Variants in MOB3B observed in about 807,000 individuals in gnomAD.
MOB3B encodes the protein MOB kinase activator-like 2B.
A neutral mutation model predicts 18.7 loss-of-function variants in MOB3B; 7 were observed. That is an observed-to-expected ratio of 0.37 (90% CI 0.21 to 0.70). The LOEUF is 0.70. MOB3B is among the 30% of genes least tolerant of loss of function. The pLI is 0.52. For synonymous variants in MOB3B, 111 were observed against 99.9 expected (o/e 1.11, Z -0.66); for missense variants, 253 against 281.3 (o/e 0.90, Z 0.72).
At chr9:27,353,290 T>A (rs1252909215) in intron 3 of MOB3B, among the ~76,000 whole-genome samples, 1 of 152,206 alleles carries the variant, frequency 6.6e-6, no homozygotes, top group East Asian at 1.9e-4. Context: ...CCCTGGTGAT[T>A]CACATGCACA....
chr9:27,377,815 G>T (rs1821511003), intron 2 of MOB3B, among the ~76,000 whole-genome samples: 1 of 152,298 alleles, frequency 6.6e-6, no homozygotes, highest in African/African-American at 2.4e-5. Flanking sequence ...ATTCTATTTA[G>T]GTTTGCCCCA....
chr9:27,387,024 C>T (rs1371547200), intron 2 of MOB3B, among the ~76,000 whole-genome samples: 1 of 152,142 alleles, frequency 6.6e-6, no homozygotes, highest in African/African-American at 2.4e-5. Context: ...GGCAGAGTTG[C>T]TTCTGCGTAC....
intron 1 of MOB3B, among the ~76,000 whole-genome samples, chr9:27,519,969 C>T (rs1031989944): frequency 6.6e-6 from 1 of 152,066 alleles, no homozygotes; most frequent in African/African-American, 2.4e-5. Context: ...ATGGGAAGTA[C>T]CGCTAGGCCT....
Position 27,419,051 on chromosome 9 carries a change from C to T in MOB3B, c.418+36082G>A, listed in dbSNP as rs891348893. Among the ~76,000 whole-genome samples the T allele has an allele frequency of 4.3e-4, 52 of 121,888 alleles. 1 individual carries two copies. Among genetic ancestry groups the T allele is most frequent in the African/African-American group, 1.5e-3 (49 of 32,390 alleles). 80.0% of individuals were successfully genotyped at this position (121,888 alleles called of 152,430 possible). ...CAAATCAAGAACTCAACCCCTTTTACGATAGCTGCAAAAAAAAAAAAAAAA... is the reference window on the plus strand; with the variant it reads ...CAAATCAAGAACTCAACCCCTTTTATGATAGCTGCAAAAAAAAAAAAAAAA... On this transcript the variant is annotated intron_variant, in intron 2 of 3. Coordinates refer to ENST00000262244, the MANE Select transcript of MOB3B (RefSeq NM_024761.5).
Position 27,342,609 on chromosome 9 carries a change from GGC to G in MOB3B, c.622-11995_622-11994del, listed in dbSNP as rs762743942. On this transcript the variant is annotated intron_variant, in intron 3 of 3. Transcript: ENST00000262244. ...AGCCTGCAGAGTGCCTGGGATTGCA[GGC>G]GCGCGCCGCCACACCTGACTGGTTT... 2.4e-4 allele frequency among the ~76,000 whole-genome samples: 37 copies of G among 152,312 alleles called. No individual in the cohort carries two copies. In the South Asian group the frequency reaches 3.3e-3, roughly 14 times the overall value.
intron 2 of MOB3B, among the ~76,000 whole-genome samples, chr9:27,416,262 A>G (rs1822146891): frequency 6.6e-6 from 1 of 152,160 alleles, no homozygotes; most frequent in Non-Finnish European, 1.5e-5. Flanking sequence ...ATGCTTAAGG[A>G]TCAGTTAACA....
At chr9:27,384,585 A>G (rs1821624772) in intron 2 of MOB3B, among the ~76,000 whole-genome samples, 1 of 152,216 alleles carries the variant, frequency 6.6e-6, no homozygotes, top group African/African-American at 2.4e-5. Context: ...TTCTTCCAGA[A>G]CAATTCTTCC....
chr9:27,357,472 C>T lies in MOB3B; in HGVS notation c.621+1562G>A, dbSNP rs115271215. ...CTCCATCAGGGTCTCACACTAACCA[C>T]CCCAGGCCAAGGTATCAGATAACTA... is the stretch of plus-strand genomic sequence containing the variant. On this transcript the variant is annotated intron_variant, in intron 3 of 3. Coordinates refer to ENST00000262244, the MANE Select transcript of MOB3B (RefSeq NM_024761.5). Among the ~76,000 whole-genome samples the T allele has an allele frequency of 2.7e-3, 403 of 151,868 alleles. 3 individuals carry two copies. The highest frequency in any genetic ancestry group is 9.4e-3 in the African/African-American group (388 of 41,440).
chr9:27,401,568 ACCC>A (rs1316105318), intron 2 of MOB3B, among the ~76,000 whole-genome samples: 1 of 151,980 alleles, frequency 6.6e-6, no homozygotes, highest in Non-Finnish European at 1.5e-5. Context: ...CAGGTATATT[ACCC>A]CTTAAAAAAC....
chr9:27,330,335 C>A lies in MOB3B; in HGVS notation c.*252G>T, dbSNP rs755903979. 6 of 437,826 alleles carry A rather than the reference C, an allele frequency of 1.4e-5. No homozygotes were observed. Among genetic ancestry groups the A allele is most frequent in the East Asian group, 3.9e-5 (1 of 25,720 alleles). The allele number at this position is 437,826 out of a possible 1,614,324, so 27.1% of individuals were successfully genotyped here. A position where few individuals can be genotyped will look rare whatever the true frequency, so the allele number is the denominator to read the frequency against. ...GGCTTCCTCGTGGACAATTCCCCAG[C>A]CAGAACGGTCAAGGGGCTGGTCCTT... On this transcript the variant is annotated 3_prime_UTR_variant, in exon 4 of 4. Transcript: ENST00000262244.
intron 2 of MOB3B, among the ~76,000 whole-genome samples, chr9:27,437,082 T>C (rs1368587247): frequency 6.6e-6 from 1 of 151,506 alleles, no homozygotes; most frequent in Non-Finnish European, 1.5e-5. Context: ...CAAGGGGAAA[T>C]CCTGAAAGAG....
chr9:27,415,896 A>G (rs1014005774), intron 2 of MOB3B, among the ~76,000 whole-genome samples: 8 of 152,302 alleles, frequency 5.3e-5, no homozygotes, highest in Admixed American at 1.3e-4. Flanking sequence ...ATAGATTTCA[A>G]TATGGGGTTT....
chr9:27,457,439 G>T (rs1819194462), intron 1 of MOB3B, among the ~76,000 whole-genome samples: 1 of 152,152 alleles, frequency 6.6e-6, no homozygotes, highest in Non-Finnish European at 1.5e-5. Context: ...GCCTGTAAGG[G>T]GTTCTGCCAT....
intron 2 of MOB3B, among the ~76,000 whole-genome samples, chr9:27,430,701 T>C (rs756583186): frequency 3.3e-5 from 5 of 151,956 alleles, no homozygotes; most frequent in Non-Finnish European, 5.9e-5. Context: ...AGATGAAAAA[T>C]TCCTAAAACA....
chr9:27,423,398 C>CTTT (rs34788661), intron 2 of MOB3B, among the ~76,000 whole-genome samples: 22 of 141,992 alleles, frequency 1.5e-4, no homozygotes, highest in African/African-American at 4.2e-4. Context: ...TGGCAATACT[C>CTTT]TTTTTTTTTT....
chr9:27,515,215 G>A (rs980412203), intron 1 of MOB3B, among the ~76,000 whole-genome samples: 1 of 152,042 alleles, frequency 6.6e-6, no homozygotes, highest in African/African-American at 2.4e-5. Flanking sequence ...CCTCAATTCT[G>A]ATTTCGTTAA....
intron 3 of MOB3B, among the ~76,000 whole-genome samples, chr9:27,338,790 C>T (rs1820899737): frequency 6.6e-6 from 1 of 152,138 alleles, no homozygotes; most frequent in Non-Finnish European, 1.5e-5. Flanking sequence ...TTCTAGAATC[C>T]AAATAGCTGT....
Position 27,517,768 on chromosome 9 carries a change from A to G in MOB3B, c.-199+11787T>C, listed in dbSNP as rs143145974. 3.9e-5 allele frequency among the ~76,000 whole-genome samples: 6 copies of G among 152,194 alleles called. No homozygotes were observed. The East Asian group carries it at 1.2e-3, about 29-fold the overall frequency. On this transcript the variant is annotated intron_variant, in intron 1 of 3. Coordinates refer to ENST00000262244, the MANE Select transcript of MOB3B (RefSeq NM_024761.5). ...ATGCATATCTGTTCATTCAATAAAT[A>G]TTTATTGAGTGTACGCTGTGTGCTA...
chr9:27,492,375 G>C (rs1305313254), intron 1 of MOB3B, among the ~76,000 whole-genome samples: 1 of 152,080 alleles, frequency 6.6e-6, no homozygotes, highest in Non-Finnish European at 1.5e-5. Flanking sequence ...TAAGAATAAA[G>C]ATTTTTTAAA....
Sources: gnomAD v4.1 joint callset for allele counts (sites outside exome capture counted in the v4.1 genomes callset) on GRCh38, gnomAD v4.1.1 for gene constraint, MANE v1.5 for transcripts, NCBI Gene and HGNC (gene_info 2026-07-23, HGNC 2026-07-21) for gene names.